COQ8A: variants seen among roughly 807,000 people sequenced by gnomAD.
COQ8A encodes atypical kinase COQ8A, mitochondrial.
In COQ8A, 51 loss-of-function variants were observed where a neutral mutation model predicts 65.0. The observed-to-expected ratio is 0.78, with a 90% CI of 0.63 to 0.99. COQ8A has a LOEUF of 0.99. Among genes scored for constraint, COQ8A ranks in the 50% least tolerant of loss-of-function variants. The pLI is 0.00. For synonymous variants in COQ8A, 371 were observed against 353.2 expected (o/e 1.05, Z -0.57); for missense variants, 940 against 875.0 (o/e 1.07, Z -0.94).
chr1:226,962,516 C>G (rs769597883), intron 2 of COQ8A, among the ~76,000 whole-genome samples: 1 of 152,202 alleles, frequency 6.6e-6, no homozygotes, highest in East Asian at 1.9e-4. Flanking sequence ...GCCTGTTGCG[C>G]GTGTGCACCT....
intron 5 of COQ8A, among the ~76,000 whole-genome samples, chr1:226,978,680 ACCCT>A (rs1331471666): frequency 5.2e-5 from 4 of 77,384 alleles, no homozygotes; most frequent in African/African-American, 1.4e-4. Context: ...CTCCTTACAC[ACCCT>A]CCACACACCT....
At chr1:226,961,652 C>T in intron 2 of COQ8A, 90 bp downstream of exon 2, 1 of 1,463,132 alleles carries the variant, frequency 6.8e-7, no homozygotes, top group Non-Finnish European at 9.2e-7. Flanking sequence ...ACCATGGCAA[C>T]TGGTCTTTGG....
At chr1:226,958,416 C>A (rs1394777225) in intron 1 of COQ8A, 1 of 152,264 alleles carries the variant, frequency 6.6e-6, no homozygotes, top group Non-Finnish European at 1.5e-5. Flanking sequence ...AGTCTCACGT[C>A]CCGGCTCCAG....
rs142600066 is a variant in COQ8A, at chr1:226,985,298, G to A, written c.1617G>A (p.Ala539=). 9.9e-6 allele frequency: 16 copies of A among 1,613,708 alleles called. No homozygotes were observed. Among genetic ancestry groups the A allele is most frequent in the African/African-American group, 4.0e-5 (3 of 74,918 alleles). The change falls in exon 14 of 15, where the codon GCG becomes GCA. Residue 539 remains alanine (A), a synonymous_variant. Coordinates refer to ENST00000366777, the MANE Select transcript of COQ8A (RefSeq NM_020247.5). Reference sequence around the variant, plus strand: ...ACAGGGACAGGGAGACTGTGCGGGCGAAATCCATAGAGATGAAGTTCCTCA... The same window carrying A: ...ACAGGGACAGGGAGACTGTGCGGGCAAAATCCATAGAGATGAAGTTCCTCA... ...AADRDRETVR[A]KSIEMKFLTG...
chr1:226,961,080 G>A (rs748295859), intron 1 of COQ8A, among the ~76,000 whole-genome samples: 3 of 152,188 alleles, frequency 2.0e-5, no homozygotes, highest in Admixed American at 6.5e-5. Context: ...ACCTGTCTGT[G>A]CCTCAGGTTT....
intron 1 of COQ8A, among the ~76,000 whole-genome samples, chr1:226,960,713 C>G (rs1658196110): frequency 6.6e-6 from 1 of 151,956 alleles, no homozygotes; most frequent in South Asian, 2.1e-4. Flanking sequence ...AATTATTGCA[C>G]TGTGGGTCTG....
At position 226,983,432 on chromosome 1, in the gene COQ8A, C is replaced by T. The variant is rs1366663346; in HGVS notation, c.1081-120C>T. ...TGGCTGGGTCTTAGCTCTGGTTCTC[C>T]AGGGTGTGGGCTGGGGCCAGGACAC... On this transcript the variant is annotated intron_variant, in intron 8 of 14. Transcript: ENST00000366777. 9 of 940,568 alleles carry T rather than the reference C, an allele frequency of 9.6e-6. No homozygotes were observed. In the South Asian group the frequency reaches 1.1e-4, roughly 12 times the overall value. 58.3% of individuals were successfully genotyped at this position (940,568 alleles called of 1,614,324 possible).
At chr1:226,978,028 C>G (rs1472049849) in intron 5 of COQ8A, among the ~76,000 whole-genome samples, 1 of 148,314 alleles carries the variant, frequency 6.7e-6, no homozygotes, top group Non-Finnish European at 1.5e-5. Context: ...CGAACACCCA[C>G]AGACCTTACA....
intron 1 of COQ8A, among the ~76,000 whole-genome samples, chr1:226,954,745 T>C (rs1398266205): frequency 6.6e-6 from 1 of 152,240 alleles, no homozygotes; most frequent in Non-Finnish European, 1.5e-5. Flanking sequence ...TGCTCAATCC[T>C]GAGCATGGTG....
Position 226,972,048 on chromosome 1 carries a change from C to T in COQ8A, c.656-5401C>T, listed in dbSNP as rs1396067695. Among the ~76,000 whole-genome samples the T allele has an allele frequency of 6.6e-6, 1 of 152,156 alleles. No individual in the cohort carries two copies. Among genetic ancestry groups the T allele is most frequent in the Non-Finnish European group, 1.5e-5 (1 of 68,026 alleles). ...ATTTTCCATGCCTTTTTCCATTTATCCTTCAGTCTTGCAGGTTTAGAGGAG... is the reference window on the plus strand; with the variant it reads ...ATTTTCCATGCCTTTTTCCATTTATTCTTCAGTCTTGCAGGTTTAGAGGAG... On this transcript the variant is annotated intron_variant, in intron 4 of 14. Transcript: ENST00000366777. The surrounding 1 kb of genome is among the most constrained non-coding windows in gnomAD (Gnocchi z 4.3).
In COQ8A at chr1:226,965,593, T is replaced by C. The variant is rs1572047375; in HGVS notation, c.589-78T>C. On this transcript the variant is annotated intron_variant, in intron 3 of 14. Coordinates refer to ENST00000366777, the MANE Select transcript of COQ8A (RefSeq NM_020247.5). ...CTGACTGTGGGGTGGAGAGGAGATG[T>C]GGGGGCAACAGGAGCCTCTGAAGGT... 1.9e-6 allele frequency: 3 copies of C among 1,553,506 alleles called. No individual in the cohort carries two copies. In the East Asian group the frequency reaches 6.7e-5, roughly 35 times the overall value.
At chr1:226,953,933 A>ACGGT in intron 1 of COQ8A, among the ~76,000 whole-genome samples, 1 of 152,358 alleles carries the variant, frequency 6.6e-6, no homozygotes, top group East Asian at 1.9e-4. Context: ...CTTGGAGGAA[A>ACGGT]CAGTCAATTG....
chr1:226,947,020 T>C (rs1657084856), intron 1 of COQ8A, among the ~76,000 whole-genome samples: 1 of 152,254 alleles, frequency 6.6e-6, no homozygotes, highest in Non-Finnish European at 1.5e-5. Context: ...CCCTCAGTCC[T>C]GGCAGCTGAC....
intron 1 of COQ8A, chr1:226,958,291 G>A (rs961126586): frequency 2.0e-5 from 3 of 152,216 alleles, no homozygotes; most frequent in South Asian, 2.1e-4. Context: ...AGCACATTAG[G>A]ACCAGAAAAG....
rs1252513816 is a variant in COQ8A, at chr1:226,961,519, C to T, written c.134C>T (p.Ser45Phe). The change falls in exon 2 of 15, where the codon TCC becomes TTC. Residue 45 changes from serine (S) to phenylalanine (F), a missense_variant. Ser to Phe is a radical substitution (Grantham distance 155). Transcript: ENST00000366777. ...ATCATGGCGGCCAGGGCCCTGCAGT[C>T]CACGGCTGTGGAGCAGATTGGCATG... ...ELIMAARALQSTAVEQIGMFL... is the reference protein window; with the variant it reads ...ELIMAARALQFTAVEQIGMFL... The T allele has an allele frequency of 6.2e-7, 1 of 1,613,666 alleles. No homozygotes were observed. The highest frequency in any genetic ancestry group is 1.3e-5 in the African/African-American group (1 of 74,952).
chr1:226,986,351 GC>G, intron 14 of COQ8A, 101 bp from the exon 15 acceptor site: 1 of 1,327,108 alleles, frequency 7.5e-7, no homozygotes, highest in Non-Finnish European at 1.1e-6. Flanking sequence ...TTACAGCAGA[GC>G]TTTGAATGAG....
intron 4 of COQ8A, among the ~76,000 whole-genome samples, chr1:226,976,468 T>TGCGGGGC (rs1405131956): frequency 2.0e-5 from 3 of 151,542 alleles, no homozygotes; most frequent in Non-Finnish European, 4.4e-5. Context: ...GGGTGCGGGG[T>TGCGGGGC]GCGGGGCTCT....
intron 4 of COQ8A, among the ~76,000 whole-genome samples, chr1:226,967,443 G>C (rs1225104257): frequency 6.6e-6 from 1 of 152,184 alleles, no homozygotes; most frequent in Non-Finnish European, 1.5e-5. Flanking sequence ...GAGTCTTTGT[G>C]GGGTGGGGAG....
At chr1:226,982,181 C>T in intron 6 of COQ8A, 32 bp downstream of exon 6, 1 of 1,549,128 alleles carries the variant, frequency 6.5e-7, no homozygotes, top group Non-Finnish European at 8.7e-7. Flanking sequence ...TGCCCCGGGA[C>T]TGCGTGGGCT....
Sources: gnomAD v4.1 joint callset for allele counts (sites outside exome capture counted in the v4.1 genomes callset) on GRCh38, gnomAD v4.1.1 for gene constraint, Gnocchi (gnomAD v3.1) non-coding constraint, MANE v1.5 for transcripts, NCBI Gene and HGNC (gene_info 2026-07-23, HGNC 2026-07-21) for gene names.